Variants in VPS35L observed in about 807,000 individuals in gnomAD.
The protein encoded by VPS35L is VPS35 endosomal protein-sorting factor-like.
In VPS35L, 83 loss-of-function variants were observed where a neutral mutation model predicts 133.0. That is an observed-to-expected ratio of 0.62 (90% CI 0.52 to 0.75). The LOEUF is 0.75. Among genes scored for constraint, VPS35L ranks in the 30% least tolerant of loss-of-function variants. The pLI is 0.00. For synonymous variants in VPS35L, 423 were observed against 449.9 expected (o/e 0.94, Z 0.76); for missense variants, 1,083 against 1,206.8 (o/e 0.90, Z 1.52).
chr16:19,642,667 C>T (rs1031503189), intron 22 of VPS35L, among the ~76,000 whole-genome samples, 191 bp downstream of exon 22: 2 of 152,148 alleles, frequency 1.3e-5, no homozygotes, highest in Non-Finnish European at 2.9e-5. Flanking sequence ...CTTGAGAAAG[C>T]GACGTGGCAG....
chr16:19,614,115 C>G (rs1008354266), intron 12 of VPS35L, among the ~76,000 whole-genome samples: 1 of 152,204 alleles, frequency 6.6e-6, no homozygotes, highest in South Asian at 2.1e-4. Flanking sequence ...CTCCATGGCT[C>G]AGCCACCAGG....
At chr16:19,693,664 G>A (rs933258508) in intron 29 of VPS35L, among the ~76,000 whole-genome samples, 5 of 152,070 alleles carry the variant, frequency 3.3e-5, no homozygotes, top group Admixed American at 6.6e-5. Flanking sequence ...TGTGCCTGTA[G>A]TCCCAGCTAC....
chr16:19,682,166 C>T (rs1975302950), intron 27 of VPS35L, 59 bp from the exon 28 acceptor site: 1 of 1,573,614 alleles, frequency 6.4e-7, no homozygotes, highest in Non-Finnish European at 8.7e-7. Flanking sequence ...TGTTGATTTT[C>T]TTTTTCCCTC....
intron 19 of VPS35L, among the ~76,000 whole-genome samples, chr16:19,636,921 C>T (rs1973639604): frequency 6.6e-6 from 1 of 152,170 alleles, no homozygotes; most frequent in South Asian, 2.1e-4. Context: ...TGGGTAATAC[C>T]TTGGCCTTTA....
At chr16:19,648,060 T>C (rs3764319) in intron 24 of VPS35L, among the ~76,000 whole-genome samples, 178 bp downstream of exon 24, 96,066 of 151,942 alleles carry the variant, frequency 0.63, 32,469 homozygotes, top group African/African-American at 0.88. Context: ...CTCAAGCAAT[T>C]CTCCCTGTCT....
intron 6 of VPS35L, among the ~76,000 whole-genome samples, chr16:19,581,126 G>A (rs918976790): frequency 2.6e-5 from 4 of 152,128 alleles, no homozygotes; most frequent in Non-Finnish European, 5.9e-5. Context: ...GAGCAAAAAT[G>A]TCTTTGTATC....
At chr16:19,657,694 T>C (rs938015046) in intron 26 of VPS35L, among the ~76,000 whole-genome samples, 1 of 152,188 alleles carries the variant, frequency 6.6e-6, no homozygotes, top group Non-Finnish European at 1.5e-5. Flanking sequence ...CAAACTGTAA[T>C]GGCTAATGGA....
chr16:19,592,401 A>G (rs902058869), intron 8 of VPS35L, among the ~76,000 whole-genome samples: 1 of 151,892 alleles, frequency 6.6e-6, no homozygotes, highest in African/African-American at 2.4e-5. Flanking sequence ...ATCTTGTGAT[A>G]GACTAGTAAA....
At position 19,699,470 on chromosome 16, in the gene VPS35L, T is replaced by C; in HGVS notation, c.2647-32T>C. ...CTGCGGGGCACGGCCTGAGCCCCAG[T>C]GCAAGGCAGTAACCTCCCTTTTCTG... On this transcript the variant is annotated intron_variant, in intron 29 of 30. Transcript: ENST00000417362. This position sits in a 1 kb window ranked among gnomAD's most constrained non-coding sequence, Gnocchi z 4.2. 6.2e-7 allele frequency: 1 copy of C among 1,613,110 alleles called. No homozygotes were observed. The highest frequency in any genetic ancestry group is 8.5e-7 in the Non-Finnish European group (1 of 1,179,384).
intron 29 of VPS35L, among the ~76,000 whole-genome samples, chr16:19,692,908 G>A (rs999221410): frequency 1.3e-5 from 2 of 152,236 alleles, no homozygotes; most frequent in Non-Finnish European, 2.9e-5. Flanking sequence ...GTGTTTGAGA[G>A]AGTAGGATTT....
At chr16:19,649,862 C>T (rs1186849358) in intron 24 of VPS35L, among the ~76,000 whole-genome samples, 1 of 152,054 alleles carries the variant, frequency 6.6e-6, no homozygotes, top group Non-Finnish European at 1.5e-5. Flanking sequence ...TAGTATCCAC[C>T]CTGGGATTAT....
chr16:19,691,357 C>CAA lies in VPS35L; in HGVS notation c.2532_2533insAA (p.Ser845AsnfsTer24). 1 of 1,612,820 alleles carries CAA rather than the reference C, an allele frequency of 6.2e-7. No homozygotes were observed. The highest frequency in any genetic ancestry group is 1.7e-5 in the Admixed American group (1 of 60,004). Reference sequence around the variant, plus strand: ...CTGTTCTTGTTTGTTCAACAGTGGACTCCAACGACAGCCTCTACGGGGGAG... The same window carrying CAA: ...CTGTTCTTGTTTGTTCAACAGTGGACAATCCAACGACAGCCTCTACGGGGGAG... On this transcript the variant is annotated frameshift_variant, in exon 29 of 31. Coordinates refer to ENST00000417362, the MANE Select transcript of VPS35L (RefSeq NM_020314.7). LOFTEE classifies it high-confidence loss of function.
At chr16:19,600,567 A>G (rs1042243503) in intron 8 of VPS35L, among the ~76,000 whole-genome samples, 2 of 152,208 alleles carry the variant, frequency 1.3e-5, no homozygotes, top group Non-Finnish European at 2.9e-5. Context: ...TAGTATGTTC[A>G]TCCATCCAAC....
intron 15 of VPS35L, among the ~76,000 whole-genome samples, chr16:19,626,560 G>A (rs1350373449): frequency 6.6e-6 from 1 of 151,962 alleles, no homozygotes; most frequent in Non-Finnish European, 1.5e-5. Flanking sequence ...TCAGGAGTTC[G>A]AGACCAGCCT....
In VPS35L at chr16:19,699,715, A is replaced by C. The variant is rs1217468117; in HGVS notation, c.2793+67A>C. On this transcript the variant is annotated intron_variant, in intron 30 of 30. Coordinates refer to ENST00000417362, the MANE Select transcript of VPS35L (RefSeq NM_020314.7). The surrounding 1 kb of genome is among the most constrained non-coding windows in gnomAD (Gnocchi z 4.2). ...AGTGCACAACCACCCTCAACACAGC[A>C]TTGTGGCCTGGACATCAGACAGACA... 1 of 1,588,074 alleles carries C rather than the reference A, an allele frequency of 6.3e-7. No individual in the cohort carries two copies. The highest frequency in any genetic ancestry group is 1.3e-5 in the African/African-American group (1 of 74,488).
At chr16:19,648,782 C>T (rs570089158) in intron 24 of VPS35L, among the ~76,000 whole-genome samples, 7 of 149,838 alleles carry the variant, frequency 4.7e-5, no homozygotes, top group African/African-American at 1.7e-4. Flanking sequence ...GCAGAAGAAT[C>T]GCTTAAATCT....
chr16:19,691,301 C>G, intron 28 of VPS35L, 52 bp from the exon 29 acceptor site: 1 of 1,477,128 alleles, frequency 6.8e-7, no homozygotes, highest in Non-Finnish European at 9.5e-7. Context: ...TCTCCCTGGC[C>G]AGCATGGCCG....
At position 19,665,570 on chromosome 16, in the gene VPS35L, C is replaced by T. The variant is rs1234029536; in HGVS notation, c.2222-3590C>T. On this transcript the variant is annotated intron_variant, in intron 26 of 30. Transcript: ENST00000417362. ...GTATATGTACCACATTTTCTTTATC[C>T]GTTTGTCTGTTGACGGACACTTAGA... 2.6e-5 allele frequency among the ~76,000 whole-genome samples: 4 copies of T among 152,270 alleles called. No individual in the cohort carries two copies. In the South Asian group the frequency reaches 6.2e-4, roughly 24 times the overall value.
intron 27 of VPS35L, among the ~76,000 whole-genome samples, chr16:19,673,808 A>AGCCAGAG (rs960494500): frequency 1.3e-5 from 2 of 152,112 alleles, no homozygotes; most frequent in African/African-American, 4.8e-5. Flanking sequence ...TTTTTCACTC[A>AGCCAGAG]TGAAACCTGA....
Sources: gnomAD v4.1 joint callset for allele counts (sites outside exome capture counted in the v4.1 genomes callset) on GRCh38, gnomAD v4.1.1 for gene constraint, Gnocchi (gnomAD v3.1) non-coding constraint, MANE v1.5 for transcripts, NCBI Gene and HGNC (gene_info 2026-07-23, HGNC 2026-07-21) for gene names.